TMTC2: variants seen among roughly 807,000 people sequenced by gnomAD.
TMTC2 encodes the protein transmembrane O-mannosyltransferase targeting cadherins 2, also known as protein O-mannosyl-transferase TMTC2.
In TMTC2, 43 loss-of-function variants were observed where a neutral mutation model predicts 82.4. That is an observed-to-expected ratio of 0.52 (90% CI 0.41 to 0.67). The LOEUF (loss-of-function observed/expected upper bound fraction) is 0.67. TMTC2 is among the 30% of genes least tolerant of loss of function. The pLI is 0.00. For missense variants in TMTC2, 919 were observed against 1,012.4 expected (o/e 0.91, Z 1.25); for synonymous variants, 408 against 381.9 (o/e 1.07, Z -0.80).
intron 2 of TMTC2, among the ~76,000 whole-genome samples, chr12:82,864,531 CTCTG>C (rs886926352): frequency 2.4e-5 from 3 of 124,526 alleles, no homozygotes; most frequent in Non-Finnish European, 3.2e-5. Context: ...GAGACGGAGT[CTCTG>C]TCTGTCGCCA....
chr12:83,103,539 C>G (rs1884296176), intron 11 of TMTC2, among the ~76,000 whole-genome samples: 1 of 152,050 alleles, frequency 6.6e-6, no homozygotes, highest in Admixed American at 6.6e-5. Flanking sequence ...CCAGATGTCA[C>G]AAGTACACAC....
intron 9 of TMTC2, 151 bp downstream of exon 9, chr12:83,031,030 C>A (rs2137422925): frequency 1.8e-6 from 1 of 557,982 alleles, no homozygotes; most frequent in Non-Finnish European, 3.2e-6. Context: ...CCTTCTCATT[C>A]AAAACAGTCC....
intron 1 of TMTC2, among the ~76,000 whole-genome samples, chr12:82,811,708 T>C (rs1026721618): frequency 3.3e-5 from 5 of 151,782 alleles, no homozygotes; most frequent in Non-Finnish European, 5.9e-5. Context: ...GTTTATACTA[T>C]GAAAAGTATT....
At chr12:83,090,550 G>A (rs1883806766) in intron 11 of TMTC2, among the ~76,000 whole-genome samples, 1 of 152,072 alleles carries the variant, frequency 6.6e-6, no homozygotes, top group African/African-American at 2.4e-5. Context: ...CACCATATCT[G>A]TCCAGACACT....
intron 2 of TMTC2, among the ~76,000 whole-genome samples, chr12:82,877,827 A>G (rs1872653075): frequency 6.6e-6 from 1 of 152,212 alleles, no homozygotes; most frequent in Non-Finnish European, 1.5e-5. Context: ...TTAATACAGT[A>G]CCCAGTAGAA....
chr12:82,766,105 G>C (rs988618021), intron 1 of TMTC2, among the ~76,000 whole-genome samples: 5 of 152,174 alleles, frequency 3.3e-5, no homozygotes, highest in Admixed American at 1.3e-4. Context: ...GATCCTAAAG[G>C]CTTGGAAGTT....
At position 82,866,188 on chromosome 12, in the gene TMTC2, A is replaced by AT. The variant is rs1489569102; in HGVS notation, c.654+8608_654+8609insT. 2.5e-5 allele frequency among the ~76,000 whole-genome samples: 3 copies of AT among 119,186 alleles called. No individual in the cohort carries two copies. In the East Asian group the frequency reaches 1.1e-3, roughly 44 times the overall value. 78.2% of individuals were successfully genotyped at this position (119,186 alleles called of 152,430 possible). A position where few individuals can be genotyped will look rare whatever the true frequency, so the allele number is the denominator to read the frequency against. On this transcript the variant is annotated intron_variant, in intron 2 of 11. Coordinates refer to ENST00000321196, the MANE Select transcript of TMTC2 (RefSeq NM_152588.3). The stretch of plus-strand genomic sequence containing the variant: ...GAGCAGAACTGAAGGAGATAGAGAC[A>AT]CAAAAAAAACCCTTGAAAAAATCAA...
chr12:82,868,738 A>G (rs747669520), intron 2 of TMTC2, among the ~76,000 whole-genome samples: 1 of 144,296 alleles, frequency 6.9e-6, no homozygotes, highest in Non-Finnish European at 1.5e-5. Context: ...AGGCACTATT[A>G]TCATCTAAAG....
At chr12:83,110,441 C>T (rs1462625414) in intron 11 of TMTC2, among the ~76,000 whole-genome samples, 1 of 152,124 alleles carries the variant, frequency 6.6e-6, no homozygotes, top group Non-Finnish European at 1.5e-5. Context: ...CCCTTCTCTC[C>T]TTCTCTATAG....
At chr12:83,120,724 C>T (rs1029743305) in intron 11 of TMTC2, among the ~76,000 whole-genome samples, 1 of 152,170 alleles carries the variant, frequency 6.6e-6, no homozygotes, top group Admixed American at 6.5e-5. Flanking sequence ...GGAAGTTTTC[C>T]TCGATTATTC....
intron 11 of TMTC2, among the ~76,000 whole-genome samples, chr12:83,102,492 A>T (rs749866247): frequency 1.4e-4 from 21 of 152,248 alleles, no homozygotes; most frequent in Non-Finnish European, 4.4e-5. Context: ...TCCCTGTATT[A>T]TCAGAAAGGG....
rs1565818341 is a variant in TMTC2, at chr12:82,937,770, A to ACG, written c.1598+7225_1598+7226insCG. 1.1e-3 allele frequency among the ~76,000 whole-genome samples: 25 copies of ACG among 22,370 alleles called. 1 individual carries two copies. The highest frequency in any genetic ancestry group is 3.4e-3 in the African/African-American group (24 of 7,050). 14.7% of individuals were successfully genotyped at this position (22,370 alleles called of 152,430 possible). ...TGTGTGTATATATATATATATATAT[A>ACG]TATATATATATATATATATATATAT... On this transcript the variant is annotated intron_variant, in intron 4 of 11. Coordinates refer to ENST00000321196, the MANE Select transcript of TMTC2 (RefSeq NM_152588.3).
chr12:82,807,526 C>T (rs1879301041), intron 1 of TMTC2, among the ~76,000 whole-genome samples: 1 of 152,014 alleles, frequency 6.6e-6, no homozygotes, highest in South Asian at 2.1e-4. Flanking sequence ...GACTTAGAAG[C>T]ATCAGAGACA....
At chr12:82,993,215 C>T (rs1565842968) in intron 8 of TMTC2, among the ~76,000 whole-genome samples, 1 of 152,206 alleles carries the variant, frequency 6.6e-6, no homozygotes, top group East Asian at 1.9e-4. Flanking sequence ...GAACTCCTGA[C>T]CTCATGATCT....
chr12:82,850,907 T>C (rs1383964810), intron 1 of TMTC2, among the ~76,000 whole-genome samples: 2 of 151,146 alleles, frequency 1.3e-5, no homozygotes, highest in African/African-American at 4.9e-5. Context: ...CTACTAAAAA[T>C]ACAAAAATTA....
At chr12:83,009,654 C>T (rs1880365501) in intron 8 of TMTC2, among the ~76,000 whole-genome samples, 1 of 152,122 alleles carries the variant, frequency 6.6e-6, no homozygotes, top group South Asian at 2.1e-4. Flanking sequence ...CAAAAAAACA[C>T]TGCGAGAACT....
At chr12:82,796,279 A>G (rs1878714310) in intron 1 of TMTC2, among the ~76,000 whole-genome samples, 1 of 152,162 alleles carries the variant, frequency 6.6e-6, no homozygotes, top group Non-Finnish European at 1.5e-5. Context: ...GCTGGTTACT[A>G]AGGTATCTTG....
chr12:82,947,849 T>A (rs149841426), intron 4 of TMTC2, among the ~76,000 whole-genome samples: 1 of 152,274 alleles, frequency 6.6e-6, no homozygotes, highest in East Asian at 1.9e-4. Context: ...TTCTCTTAAT[T>A]TGGCATCTTG....
chr12:82,847,580 T>C (rs1870752656), intron 1 of TMTC2, among the ~76,000 whole-genome samples: 1 of 151,992 alleles, frequency 6.6e-6, no homozygotes, highest in African/African-American at 2.4e-5. Flanking sequence ...ATTAAGAAAA[T>C]GTGGCACATA....
Sources: allele counts gnomAD v4.1 joint callset (sites outside exome capture counted in the v4.1 genomes callset), GRCh38; gene constraint gnomAD v4.1.1; transcripts MANE v1.5; gene names NCBI Gene and HGNC (gene_info 2026-07-23, HGNC 2026-07-21).